The following OSBPL6 variants were observed in gnomAD, a reference collection of about 807,000 sequenced individuals.
The protein encoded by OSBPL6 is oxysterol binding protein like 6.
A neutral mutation model predicts 125.8 loss-of-function variants in OSBPL6; 49 were observed. That is an observed-to-expected ratio of 0.39 (90% CI 0.31 to 0.49). The LOEUF is 0.49. Ranked by LOEUF, OSBPL6 falls within the 20% of genes least tolerant of loss-of-function variation. The pLI, the probability that OSBPL6 is intolerant of heterozygous loss-of-function variation, is 0.88. For synonymous variants in OSBPL6, 394 were observed against 391.8 expected (o/e 1.01, Z -0.07); for missense variants, 986 against 1,135.4 (o/e 0.87, Z 1.89).
chr2:178,390,735 A>G (rs1258779556), intron 21 of OSBPL6, among the ~76,000 whole-genome samples: 1 of 152,244 alleles, frequency 6.6e-6, no homozygotes, highest in African/African-American at 2.4e-5. Context: ...AGCATGGCCA[A>G]TTGAAATTTA....
At chr2:178,249,327 T>C (rs1363122549) in intron 1 of OSBPL6, among the ~76,000 whole-genome samples, 3 of 152,226 alleles carry the variant, frequency 2.0e-5, no homozygotes, top group Non-Finnish European at 4.4e-5. Context: ...GTGAACTTTT[T>C]CCAATTGATC....
At chr2:178,300,472 G>A (rs570794190) in intron 2 of OSBPL6, among the ~76,000 whole-genome samples, 1 of 152,330 alleles carries the variant, frequency 6.6e-6, no homozygotes, top group East Asian at 1.9e-4. Flanking sequence ...TTACAGCGGG[G>A]GCAGCGGGGA....
In OSBPL6 at chr2:178,394,301, C is replaced by T. The variant is rs776438051; in HGVS notation, c.2574-12C>T. The T allele has an allele frequency of 1.2e-6, 2 of 1,609,440 alleles. No individual in the cohort carries two copies. The highest frequency in any genetic ancestry group is 1.7e-5 in the Admixed American group (1 of 58,556). On this transcript the variant is annotated splice_polypyrimidine_tract_variant and intron_variant, in intron 23 of 24. Coordinates refer to ENST00000190611, the MANE Select transcript of OSBPL6 (RefSeq NM_032523.4). ...GGATAATATGTTAAAATATCAACTG[C>T]TTTCTGCTTAGATTTTTGGAAGAAG... is the stretch of plus-strand genomic sequence containing the variant.
chr2:178,317,965 A>C (rs1354678941), intron 3 of OSBPL6, among the ~76,000 whole-genome samples: 3 of 152,196 alleles, frequency 2.0e-5, no homozygotes, highest in Non-Finnish European at 4.4e-5. Flanking sequence ...TAATTGCCGT[A>C]ATGAAGCATG....
chr2:178,211,121 C>CT (rs1017399972), intron 1 of OSBPL6, among the ~76,000 whole-genome samples: 1 of 152,084 alleles, frequency 6.6e-6, no homozygotes, highest in African/African-American at 2.4e-5. Context: ...AAATTAAAAA[C>CT]TTAGCCATGT....
At chr2:178,194,876 C>T (rs1482885712) in intron 1 of OSBPL6, among the ~76,000 whole-genome samples, 1 of 152,080 alleles carries the variant, frequency 6.6e-6, no homozygotes, top group Non-Finnish European at 1.5e-5. Context: ...GAAGTGGGGG[C>T]GGCGGTGTCA....
rs960366438 is a variant in OSBPL6 at position 178,239,229 on chromosome 2, A to G, written c.-351+44555A>G. Among the ~76,000 whole-genome samples, 3 of 152,214 alleles carry G rather than the reference A, an allele frequency of 2.0e-5. No individual in the cohort carries two copies. The East Asian group carries it at 5.8e-4, about 29-fold the overall frequency. On this transcript the variant is annotated intron_variant, in intron 1 of 24. Transcript: ENST00000190611. Reference sequence around the variant, plus strand: ...AATTTGATACACATGCAATAGAATTATGTTATATGAAATAGAAATTTTACA... The same window carrying G: ...AATTTGATACACATGCAATAGAATTGTGTTATATGAAATAGAAATTTTACA...
chr2:178,355,133 A>G (rs1691658783), intron 12 of OSBPL6, among the ~76,000 whole-genome samples: 1 of 152,248 alleles, frequency 6.6e-6, no homozygotes, highest in Non-Finnish European at 1.5e-5. Context: ...AAGAGAAAGC[A>G]GGAAGATCCA....
chr2:178,267,180 C>G (rs1462851340), intron 1 of OSBPL6, among the ~76,000 whole-genome samples: 1 of 151,824 alleles, frequency 6.6e-6, no homozygotes, highest in Non-Finnish European at 1.5e-5. Context: ...ATGGGGAAAC[C>G]CTGTCTCTAC....
At chr2:178,290,424 G>GT (rs55767106) in intron 2 of OSBPL6, among the ~76,000 whole-genome samples, 2,225 of 128,804 alleles carry the variant, frequency 0.017, 61 homozygotes, top group African/African-American at 0.06. Context: ...AATTGTAGTG[G>GT]TTTTTTTTTT....
At chr2:178,196,525 G>A (rs1009202894) in intron 1 of OSBPL6, among the ~76,000 whole-genome samples, 13 of 151,988 alleles carry the variant, frequency 8.6e-5, no homozygotes, top group Non-Finnish European at 1.8e-4. Context: ...TAGTTCTGCT[G>A]GACTTTTATA....
intron 5 of OSBPL6, among the ~76,000 whole-genome samples, chr2:178,329,489 A>G (rs1688998774): frequency 6.6e-6 from 1 of 150,438 alleles, no homozygotes; most frequent in Non-Finnish European, 1.5e-5. Context: ...ATCACGGCTC[A>G]TTGCAACCTC....
chr2:178,391,019 G>A (rs1695359006), intron 21 of OSBPL6, 54 bp from the exon 22 acceptor site: 1 of 1,592,706 alleles, frequency 6.3e-7, no homozygotes, highest in Admixed American at 1.8e-5. Context: ...GAAAATACAG[G>A]GAATGATGTT....
At chr2:178,370,925 C>G (rs1176453621) in intron 13 of OSBPL6, among the ~76,000 whole-genome samples, 1 of 152,190 alleles carries the variant, frequency 6.6e-6, no homozygotes, top group Non-Finnish European at 1.5e-5. Flanking sequence ...AGAGGCTGCT[C>G]TGTGCTCCAT....
intron 2 of OSBPL6, among the ~76,000 whole-genome samples, chr2:178,288,258 G>A (rs542640609): frequency 3.4e-4 from 52 of 152,244 alleles, no homozygotes; most frequent in Middle Eastern, 6.8e-3. Flanking sequence ...GAAGAGCTGA[G>A]GGACCCAGAG....
intron 1 of OSBPL6, among the ~76,000 whole-genome samples, chr2:178,243,891 T>C (rs1476336907): frequency 6.6e-6 from 1 of 152,238 alleles, no homozygotes; most frequent in African/African-American, 2.4e-5. Flanking sequence ...GATCTCGTGA[T>C]CCGCCTGCCT....
chr2:178,196,866 C>T (rs1404706369), intron 1 of OSBPL6, among the ~76,000 whole-genome samples: 1 of 152,152 alleles, frequency 6.6e-6, no homozygotes, highest in African/African-American at 2.4e-5. Flanking sequence ...GAAAAAGGGT[C>T]TCATAGTATC....
intron 1 of OSBPL6, among the ~76,000 whole-genome samples, chr2:178,208,189 G>A (rs2089638936): frequency 6.6e-6 from 1 of 151,742 alleles, no homozygotes; most frequent in Non-Finnish European, 1.5e-5. Context: ...GGAGGCTGAG[G>A]CACGAGAATT....
At chr2:178,243,614 TC>T (rs1168550330) in intron 1 of OSBPL6, among the ~76,000 whole-genome samples, 1 of 152,176 alleles carries the variant, frequency 6.6e-6, no homozygotes, top group Non-Finnish European at 1.5e-5. Flanking sequence ...TGCCATAGCT[TC>T]CCCATTTCTC....
Sources: allele counts gnomAD v4.1 joint callset (sites outside exome capture counted in the v4.1 genomes callset), GRCh38; gene constraint gnomAD v4.1.1; transcripts MANE v1.5; gene names NCBI Gene and HGNC (gene_info 2026-07-23, HGNC 2026-07-21).